The following FAM13A variants were observed in gnomAD, a reference collection of about 807,000 sequenced individuals.
FAM13A encodes family with sequence similarity 13 member A.
FAM13A carries 76 observed loss-of-function variants against 129.6 expected under a neutral mutation model. The observed-to-expected ratio is 0.59, with a 90% confidence interval of 0.49 to 0.71. The LOEUF is 0.71. FAM13A is among the 30% of genes least tolerant of loss of function. The probability of loss-of-function intolerance (pLI) is 0.00; values close to 1 mark genes in which losing one functional copy is unlikely to be tolerated. For missense variants in FAM13A, 1,108 were observed against 1,249.3 expected (o/e 0.89, Z 1.70); for synonymous variants, 443 against 449.9 (o/e 0.98, Z 0.20).
intron 13 of FAM13A, among the ~76,000 whole-genome samples, chr4:88,765,444 A>G (rs1484958370): frequency 6.6e-6 from 1 of 152,242 alleles, no homozygotes; most frequent in East Asian, 1.9e-4. Flanking sequence ...ACAGAACTCT[A>G]GGAGGAGTAA....
At chr4:88,880,434 C>A (rs1194269991) in intron 6 of FAM13A, among the ~76,000 whole-genome samples, 2 of 152,070 alleles carry the variant, frequency 1.3e-5, no homozygotes, top group Non-Finnish European at 2.9e-5. Context: ...GCTCTGTGGG[C>A]ACTCTTGGTC....
At chr4:88,979,694 C>A (rs1023128039) in intron 4 of FAM13A, among the ~76,000 whole-genome samples, 4 of 152,098 alleles carry the variant, frequency 2.6e-5, no homozygotes, top group African/African-American at 9.7e-5. Context: ...AACTAATTGG[C>A]CAGGCATGGT....
intron 11 of FAM13A, 71 bp downstream of exon 11, chr4:88,781,094 T>C (rs1578624015): frequency 5.3e-6 from 6 of 1,134,614 alleles, no homozygotes; most frequent in Non-Finnish European, 7.4e-6. Context: ...TACTTTTAAT[T>C]TTTTTACAAA....
chr4:89,016,618 C>A (rs1766531513), intron 3 of FAM13A, among the ~76,000 whole-genome samples: 3 of 151,938 alleles, frequency 2.0e-5, no homozygotes. Flanking sequence ...TTTTTACGTA[C>A]CTTTTCTGTT....
At chr4:88,970,918 A>G (rs905575399) in intron 4 of FAM13A, among the ~76,000 whole-genome samples, 3 of 152,212 alleles carry the variant, frequency 2.0e-5, no homozygotes, top group Non-Finnish European at 1.5e-5. Context: ...TTGAAAAAGC[A>G]CAGAAGTTGG....
intron 1 of FAM13A, among the ~76,000 whole-genome samples, chr4:89,030,672 A>T (rs1215364943): frequency 6.6e-6 from 1 of 152,202 alleles, no homozygotes; most frequent in Non-Finnish European, 1.5e-5. Context: ...AACCAGAGTT[A>T]AGTTATTGGT....
At position 88,931,231 on chromosome 4, in the gene FAM13A, T is replaced by C. The variant is rs555614773; in HGVS notation, c.759+6857A>G. ...CAGCTGTGTCTGTAGATGATGGGTA[T>C]CTAGGCTACTCTCAAAGTGGCATCC... On this transcript the variant is annotated intron_variant, in intron 5 of 23. Transcript: ENST00000264344. Among the ~76,000 whole-genome samples the C allele has an allele frequency of 5.3e-5, 8 of 152,232 alleles. No homozygotes were observed. In the East Asian group the frequency reaches 1.4e-3, roughly 26 times the overall value.
chr4:88,967,888 C>T (rs76099682), intron 4 of FAM13A, among the ~76,000 whole-genome samples: 5 of 152,136 alleles, frequency 3.3e-5, no homozygotes, highest in African/African-American at 7.2e-5. Flanking sequence ...CCGGGTATCA[C>T]GTCTCTTAAA....
intron 6 of FAM13A, among the ~76,000 whole-genome samples, chr4:88,893,552 G>A (rs1745732818): frequency 6.6e-6 from 1 of 151,996 alleles, no homozygotes; most frequent in Admixed American, 6.6e-5. Flanking sequence ...GAACCCAGGA[G>A]GCGGAGCTTG....
At chr4:89,040,009 G>A (rs950700251) in intron 1 of FAM13A, among the ~76,000 whole-genome samples, 8 of 151,404 alleles carry the variant, frequency 5.3e-5, no homozygotes, top group South Asian at 2.1e-4. Flanking sequence ...GGACAACTGG[G>A]AAAATGTGAA....
At chr4:88,805,423 G>A (rs1460708902) in intron 7 of FAM13A, among the ~76,000 whole-genome samples, 1 of 152,156 alleles carries the variant, frequency 6.6e-6, no homozygotes, top group Non-Finnish European at 1.5e-5. Context: ...TCATTAACAT[G>A]ATGATGAAAA....
chr4:88,799,862 T>C (rs936729685), intron 8 of FAM13A, among the ~76,000 whole-genome samples: 3 of 152,214 alleles, frequency 2.0e-5, no homozygotes, highest in Non-Finnish European at 4.4e-5. Flanking sequence ...TCCATGTTCA[T>C]AGCAGCATTA....
chr4:88,933,500 C>A (rs576175596), intron 5 of FAM13A, among the ~76,000 whole-genome samples: 32 of 152,198 alleles, frequency 2.1e-4, no homozygotes, highest in Admixed American at 1.3e-3. Flanking sequence ...TGCTCATAAA[C>A]CCAATCTAAG....
intron 6 of FAM13A, among the ~76,000 whole-genome samples, chr4:88,854,275 T>C (rs748429628): frequency 1.3e-5 from 2 of 152,222 alleles, no homozygotes; most frequent in African/African-American, 2.4e-5. Flanking sequence ...ACCCACCTTA[T>C]CTCAGCAAGA....
At chr4:88,775,739 C>G (rs12507401) in intron 11 of FAM13A, among the ~76,000 whole-genome samples, 99,948 of 151,910 alleles carry the variant, frequency 0.66, 34,674 homozygotes, top group Non-Finnish European at 0.8. Context: ...CTAACAAGTA[C>G]AGACTGTTCA....
At chr4:89,032,877 G>A (rs1560887688) in intron 1 of FAM13A, among the ~76,000 whole-genome samples, 1 of 152,098 alleles carries the variant, frequency 6.6e-6, no homozygotes, top group Non-Finnish European at 1.5e-5. Context: ...TCCCTTCTCC[G>A]GGAAACCACT....
At chr4:88,821,238 A>G (rs1731838552) in intron 7 of FAM13A, among the ~76,000 whole-genome samples, 1 of 152,232 alleles carries the variant, frequency 6.6e-6, no homozygotes. Flanking sequence ...AGGTAGGTAC[A>G]GGCTGGCAGT....
chr4:88,834,173 A>T (rs1734418494), intron 7 of FAM13A, among the ~76,000 whole-genome samples: 1 of 149,602 alleles, frequency 6.7e-6, no homozygotes, highest in African/African-American at 2.5e-5. Flanking sequence ...CAGCCTCCCA[A>T]AGTGCTGGGA....
chr4:88,863,179 A>C (rs1739791942), intron 6 of FAM13A, among the ~76,000 whole-genome samples: 1 of 152,108 alleles, frequency 6.6e-6, no homozygotes, highest in African/African-American at 2.4e-5. Context: ...GCGTGATTAG[A>C]GGGTGGGAAC....
Sources: gnomAD v4.1 joint callset for allele counts (sites outside exome capture counted in the v4.1 genomes callset) on GRCh38, gnomAD v4.1.1 for gene constraint, MANE v1.5 for transcripts, NCBI Gene and HGNC (gene_info 2026-07-23, HGNC 2026-07-21) for gene names.